MGAT4C: variants seen among roughly 807,000 people sequenced by gnomAD.
The protein encoded by MGAT4C is alpha-1,3-mannosyl-glycoprotein 4-beta-N-acetylglucosaminyltransferase C.
MGAT4C carries 19 observed loss-of-function variants against 40.1 expected under a neutral mutation model. The ratio of observed to expected loss-of-function variants is 0.47; its 90% confidence interval spans 0.33 to 0.70. The LOEUF is 0.70. MGAT4C is among the 30% of genes least tolerant of loss of function. The pLI is 0.02. For missense variants in MGAT4C, 491 were observed against 563.2 expected, an observed-to-expected ratio of 0.87 and a Z score of 1.30; for synonymous variants, 181 against 187.1, an observed-to-expected ratio of 0.97 and a Z score of 0.27.
At chr12:86,365,729 G>A (rs2136206685) in intron 3 of MGAT4C, among the ~76,000 whole-genome samples, 1 of 150,560 alleles carries the variant, frequency 6.6e-6, no homozygotes, top group East Asian at 1.9e-4. Context: ...TAGGTGTGTG[G>A]TTTTATTTCT....
intron 2 of MGAT4C, among the ~76,000 whole-genome samples, chr12:86,528,000 G>T (rs1958914048): frequency 6.6e-6 from 1 of 151,954 alleles, no homozygotes; most frequent in Non-Finnish European, 1.5e-5. Flanking sequence ...GGTAAAGATG[G>T]TAAAATAAAA....
At chr12:86,046,986 G>A (rs1217089015) in intron 2 of MGAT4C, among the ~76,000 whole-genome samples, 1 of 151,990 alleles carries the variant, frequency 6.6e-6, no homozygotes, top group Non-Finnish European at 1.5e-5. Flanking sequence ...TCTGTTACAG[G>A]TAATCGGTTT....
At chr12:86,183,166 A>G (rs1888315003) in intron 1 of MGAT4C, among the ~76,000 whole-genome samples, 1 of 151,922 alleles carries the variant, frequency 6.6e-6, no homozygotes, top group Non-Finnish European at 1.5e-5. Flanking sequence ...TATTTTCTTT[A>G]TACACTTTGC....
intron 2 of MGAT4C, among the ~76,000 whole-genome samples, chr12:86,600,864 C>G (rs531981321): frequency 6.6e-6 from 1 of 152,234 alleles, no homozygotes; most frequent in South Asian, 2.1e-4. Flanking sequence ...CCCCCGCCTC[C>G]ACAGGCTCAG....
Position 86,333,311 on chromosome 12 carries a change from T to C in MGAT4C, c.-57+754A>G, listed in dbSNP as rs139076646. 4.7e-4 allele frequency among the ~76,000 whole-genome samples: 72 copies of C among 152,314 alleles called. No homozygotes were observed. The East Asian group carries it at 0.01, about 22-fold the overall frequency. On this transcript the variant is annotated intron_variant, in intron 4 of 7. Transcript: ENST00000548651. ...TTATTTCAGGTAATGTGACAGCAAA[T>C]GGTATAAAGTGAAAACTATCTTCCA...
chr12:86,776,719 TTG>T (rs1951754805), intron 1 of MGAT4C, among the ~76,000 whole-genome samples: 2 of 152,198 alleles, frequency 1.3e-5, no homozygotes, highest in South Asian at 4.1e-4. Context: ...TGCAAAATTA[TTG>T]TGAGTAATAA....
chr12:86,043,733 T>TC (rs1420224272), intron 2 of MGAT4C, among the ~76,000 whole-genome samples: 1 of 152,200 alleles, frequency 6.6e-6, no homozygotes, highest in East Asian at 1.9e-4. Context: ...GTTTGCTTTC[T>TC]CCCCCTCTCT....
At chr12:86,209,168 A>G (rs1304730335) in intron 1 of MGAT4C, among the ~76,000 whole-genome samples, 1 of 152,066 alleles carries the variant, frequency 6.6e-6, no homozygotes, top group Non-Finnish European at 1.5e-5. Flanking sequence ...AAGAACTCAC[A>G]TTTCATATCC....
chr12:86,495,972 C>T (rs571388873), intron 2 of MGAT4C, among the ~76,000 whole-genome samples: 4 of 151,962 alleles, frequency 2.6e-5, no homozygotes, highest in Non-Finnish European at 5.9e-5. Flanking sequence ...TACATTCCTG[C>T]CCCGCTATAT....
rs1337441436 is a variant in MGAT4C at position 85,978,971 on chromosome 12, C to A, written c.*318G>T. The A allele has an allele frequency of 5.5e-6, 1 of 181,688 alleles. No individual in the cohort carries two copies. Among genetic ancestry groups the A allele is most frequent in the African/African-American group, 2.4e-5 (1 of 42,414 alleles). 11.3% of individuals were successfully genotyped at this position (181,688 alleles called of 1,614,324 possible). A position where few individuals can be genotyped will look rare whatever the true frequency, so the allele number is the denominator to read the frequency against. On this transcript the variant is annotated 3_prime_UTR_variant, in exon 5 of 5. Transcript: ENST00000611864. ...TTGGTGACTATTTTTCAAAAATCAT[C>A]ATCCAACAAATTTTTTTCATTTAAA...
chr12:86,547,911 A>G (rs1959207457), intron 2 of MGAT4C, among the ~76,000 whole-genome samples: 1 of 152,150 alleles, frequency 6.6e-6, no homozygotes, highest in Admixed American at 6.5e-5. Context: ...GTTCCTATTC[A>G]ACACTTTGGT....
At chr12:86,507,529 G>A (rs1958491767) in intron 2 of MGAT4C, among the ~76,000 whole-genome samples, 1 of 152,170 alleles carries the variant, frequency 6.6e-6, no homozygotes, top group South Asian at 2.1e-4. Flanking sequence ...TTAACCCTGT[G>A]AAGAATATGC....
At chr12:86,263,367 T>C (rs1952703174) in intron 4 of MGAT4C, among the ~76,000 whole-genome samples, 1 of 152,152 alleles carries the variant, frequency 6.6e-6, no homozygotes, top group Non-Finnish European at 1.5e-5. Flanking sequence ...TATCTATCAT[T>C]ATACTCTCTA....
intron 1 of MGAT4C, among the ~76,000 whole-genome samples, chr12:86,795,394 C>T (rs1229474205): frequency 6.6e-6 from 1 of 151,916 alleles, no homozygotes; most frequent in Non-Finnish European, 1.5e-5. Flanking sequence ...GCCCATATTG[C>T]CATTCCCAAA....
At chr12:86,230,311 G>C (rs1951261331) in intron 1 of MGAT4C, among the ~76,000 whole-genome samples, 1 of 151,924 alleles carries the variant, frequency 6.6e-6, no homozygotes, top group Non-Finnish European at 1.5e-5. Flanking sequence ...AGAATGAATG[G>C]ATGCCAGAAA....
chr12:86,522,777 T>A (rs1025163142), intron 2 of MGAT4C, among the ~76,000 whole-genome samples: 3 of 152,108 alleles, frequency 2.0e-5, no homozygotes, highest in African/African-American at 4.8e-5. Context: ...ATTTTGGAGC[T>A]CATTATCGGT....
intron 1 of MGAT4C, among the ~76,000 whole-genome samples, chr12:86,739,479 C>T (rs188471790): frequency 6.6e-6 from 1 of 150,838 alleles, no homozygotes; most frequent in Admixed American, 6.6e-5. Flanking sequence ...CCTCCATATA[C>T]ATGGGTTCTA....
In MGAT4C at chr12:86,062,253, A is replaced by G. The variant is rs554044978; in HGVS notation, c.-56-12530T>C. Among the ~76,000 whole-genome samples the G allele has an allele frequency of 1.8e-3, 273 of 152,330 alleles. 1 individual carries two copies. The highest frequency in any genetic ancestry group is 6.1e-3 in the African/African-American group (254 of 41,580). The stretch of plus-strand genomic sequence containing the variant: ...CAAACACGGTCTGGAATGGCCCTCC[A>G]GCAAACTCCAGCAGACCTGCAGCAG... On this transcript the variant is annotated intron_variant, in intron 1 of 4. Coordinates refer to ENST00000611864, the MANE Select transcript of MGAT4C (RefSeq NM_001351288.2).
chr12:86,172,988 G>A (rs1337408078), intron 1 of MGAT4C, among the ~76,000 whole-genome samples: 1 of 151,996 alleles, frequency 6.6e-6, no homozygotes, highest in East Asian at 1.9e-4. Flanking sequence ...TATGCATAGA[G>A]GGCCATGCAG....
Sources: gnomAD v4.1 joint callset for allele counts (sites outside exome capture counted in the v4.1 genomes callset) on GRCh38, gnomAD v4.1.1 for gene constraint, MANE v1.5 for transcripts, NCBI Gene and HGNC (gene_info 2026-07-23, HGNC 2026-07-21) for gene names.